The following LPP variants were observed in gnomAD, a reference collection of about 807,000 sequenced individuals.
The protein encoded by LPP is lipoma-preferred partner.
Under a neutral mutation model 60.4 loss-of-function variants are expected in LPP, and 38 were observed. That is an observed-to-expected ratio of 0.63 (90% CI 0.49 to 0.83). LPP has a LOEUF of 0.83. Among genes scored for constraint, LPP ranks in the 40% least tolerant of loss-of-function variants. The pLI, the probability that LPP is intolerant of heterozygous loss-of-function variation, is 0.00. For missense variants in LPP, 902 were observed against 783.6 expected, an observed-to-expected ratio of 1.15 and a Z score of -1.80; for synonymous variants, 328 against 290.8, an observed-to-expected ratio of 1.13 and a Z score of -1.30.
intron 8 of LPP, among the ~76,000 whole-genome samples, chr3:188,714,994 C>T (rs1358267168): frequency 6.6e-6 from 1 of 152,062 alleles, no homozygotes; most frequent in Non-Finnish European, 1.5e-5. Flanking sequence ...CTACAGGAAG[C>T]CTTGGTTCAA....
chr3:188,759,797 GTGAGA>G (rs1731541132), intron 8 of LPP, among the ~76,000 whole-genome samples: 1 of 152,138 alleles, frequency 6.6e-6, no homozygotes, highest in South Asian at 2.1e-4. Flanking sequence ...ATACTTGCAT[GTGAGA>G]TGAGAGTCAG....
At chr3:188,434,120 G>T (rs1270961699) in intron 4 of LPP, among the ~76,000 whole-genome samples, 1 of 152,158 alleles carries the variant, frequency 6.6e-6, no homozygotes, top group Non-Finnish European at 1.5e-5. Context: ...TTCTCTGCTT[G>T]TTAATCGTGT....
At chr3:188,706,387 A>G (rs1357762561) in intron 7 of LPP, among the ~76,000 whole-genome samples, 2 of 152,218 alleles carry the variant, frequency 1.3e-5, no homozygotes, top group African/African-American at 4.8e-5. Flanking sequence ...TCTCTAATCC[A>G]AATTGTTCAA....
chr3:188,501,226 C>G (rs979046880), intron 5 of LPP, among the ~76,000 whole-genome samples: 2 of 152,048 alleles, frequency 1.3e-5, no homozygotes, highest in Non-Finnish European at 2.9e-5. Context: ...TTCACTGTTT[C>G]CCATACGTTT....
chr3:188,255,032 G>A (rs757641785), intron 2 of LPP, among the ~76,000 whole-genome samples: 3 of 152,172 alleles, frequency 2.0e-5, no homozygotes. Flanking sequence ...TATTACTCCT[G>A]CCATGGCTTC....
chr3:188,462,816 A>G (rs1248022615), intron 4 of LPP, among the ~76,000 whole-genome samples: 1 of 151,846 alleles, frequency 6.6e-6, no homozygotes, highest in African/African-American at 2.4e-5. Flanking sequence ...TTAATAAATA[A>G]TCTTTTCTAG....
chr3:188,599,530 G>A (rs1010581107), intron 6 of LPP, among the ~76,000 whole-genome samples: 5 of 152,084 alleles, frequency 3.3e-5, no homozygotes, highest in African/African-American at 1.2e-4. Context: ...CCTATCATAA[G>A]TGTTGTGAGG....
In LPP at chr3:188,883,723, ACTCCGT is replaced by A. The variant is rs1770324665; in HGVS notation, c.*9248_*9253del. On this transcript the variant is annotated 3_prime_UTR_variant, in exon 12 of 12. Transcript: ENST00000617246. Reference sequence around the variant, plus strand: ...ACTCCAGCCTGGGCGACAGAACGAGACTCCGTCTCAAAAAAAAAAAAAAAAAAAAAA... The same window carrying A: ...ACTCCAGCCTGGGCGACAGAACGAGACTCAAAAAAAAAAAAAAAAAAAAAA... 1 of 115,052 alleles carries A rather than the reference ACTCCGT, an allele frequency of 8.7e-6. No individual in the cohort carries two copies. The highest frequency in any genetic ancestry group is 1.3e-4 in the Admixed American group (1 of 7,716). The allele number at this position is 115,052 out of a possible 1,614,324, so 7.1% of individuals were successfully genotyped here. A position where few individuals can be genotyped will look rare whatever the true frequency, so the allele number is the denominator to read the frequency against.
intron 7 of LPP, among the ~76,000 whole-genome samples, chr3:188,655,789 C>T (rs755715765): frequency 1.3e-5 from 2 of 152,112 alleles, no homozygotes; most frequent in Non-Finnish European, 2.9e-5. Context: ...ATTAAATAAT[C>T]CTGATACCAT....
chr3:188,278,924 A>G (rs190384286), intron 2 of LPP, among the ~76,000 whole-genome samples: 25 of 152,114 alleles, frequency 1.6e-4, no homozygotes, highest in East Asian at 7.7e-4. Context: ...GCATTTTTGT[A>G]TTACTTTACA....
intron 8 of LPP, chr3:188,725,345 T>A (rs958667161): frequency 4.6e-5 from 7 of 152,198 alleles, no homozygotes; most frequent in African/African-American, 1.7e-4. Flanking sequence ...CCATTCAAAA[T>A]GTATCCGTCA....
At chr3:188,630,996 G>A (rs1305071512) in intron 7 of LPP, among the ~76,000 whole-genome samples, 1 of 152,034 alleles carries the variant, frequency 6.6e-6, no homozygotes, top group African/African-American at 2.4e-5. Flanking sequence ...ACCAAGAGGG[G>A]AACAATAGAC....
intron 4 of LPP, among the ~76,000 whole-genome samples, chr3:188,425,192 A>G (rs767310154): frequency 9.2e-5 from 14 of 152,150 alleles, no homozygotes; most frequent in Non-Finnish European, 4.4e-5. Context: ...TTCTGCATCT[A>G]TTGAGATAAT....
intron 2 of LPP, among the ~76,000 whole-genome samples, chr3:188,252,140 T>G (rs2149586485): frequency 8.3e-6 from 1 of 120,764 alleles, no homozygotes; most frequent in South Asian, 2.9e-4. Context: ...CTCCTCTCAG[T>G]AAAACCTGTA....
At chr3:188,619,404 A>G (rs539722657) in intron 7 of LPP, among the ~76,000 whole-genome samples, 10 of 152,342 alleles carry the variant, frequency 6.6e-5, no homozygotes, top group African/African-American at 2.4e-4. Context: ...CTAGAAGACA[A>G]CTGAGGCTGG....
rs1553938528 is a variant in LPP, at chr3:188,599,790, G to GTGTGTGTGTGTGTGT, written c.430-9371_430-9370insTGTGTGTGTGTGTGT. Among the ~76,000 whole-genome samples, 5 of 125,484 alleles carry GTGTGTGTGTGTGTGT rather than the reference G, an allele frequency of 4.0e-5. No individual in the cohort carries two copies. In the East Asian group the frequency reaches 9.8e-4, roughly 25 times the overall value. The allele number at this position is 125,484 out of a possible 152,430, so 82.3% of individuals were successfully genotyped here. ...TGTGTGTGTGTGTGTGTGTGTGTGT[G>GTGTGTGTGTGTGTGT]GTGTGTGCTTTATGTGTTCATTGAG... On this transcript the variant is annotated intron_variant, in intron 6 of 11. Transcript: ENST00000617246.
intron 6 of LPP, among the ~76,000 whole-genome samples, chr3:188,583,319 C>G (rs1269895887): frequency 1.3e-5 from 2 of 152,146 alleles, no homozygotes; most frequent in Admixed American, 6.5e-5. Context: ...TCACACACTG[C>G]CTTTGCTCTG....
At chr3:188,268,918 T>C (rs1736611568) in intron 2 of LPP, among the ~76,000 whole-genome samples, 1 of 123,938 alleles carries the variant, frequency 8.1e-6, no homozygotes, top group Admixed American at 7.9e-5. Flanking sequence ...GAAATTATTA[T>C]GTCCAGTTTG....
chr3:188,672,286 C>T (rs1857104161), intron 7 of LPP, among the ~76,000 whole-genome samples: 1 of 144,430 alleles, frequency 6.9e-6, no homozygotes, highest in South Asian at 2.2e-4. Context: ...TTATAAGACT[C>T]TTTTTTTTTT....
Sources: gnomAD v4.1 joint callset for allele counts (sites outside exome capture counted in the v4.1 genomes callset) on GRCh38, gnomAD v4.1.1 for gene constraint, MANE v1.5 for transcripts, NCBI Gene and HGNC (gene_info 2026-07-23, HGNC 2026-07-21) for gene names.